Variants in EYS observed in about 807,000 individuals in gnomAD.
EYS encodes EGF-like photoreceptor maintenance factor.
Under a neutral mutation model 282.1 loss-of-function variants are expected in EYS, and 250 were observed. The observed-to-expected ratio is 0.89, with a 90% CI of 0.80 to 0.98. EYS has a LOEUF of 0.98. EYS is among the 50% of genes least tolerant of loss of function. The pLI is 0.00. For synonymous variants in EYS, 1,355 were observed against 1,282.9 expected, an observed-to-expected ratio of 1.06 and a Z score of -1.20; for missense variants, 4,016 against 3,709.0, an observed-to-expected ratio of 1.08 and a Z score of -2.15.
At chr6:65,397,387 T>C (rs761844728) in intron 7 of EYS, among the ~76,000 whole-genome samples, 7 of 151,986 alleles carry the variant, frequency 4.6e-5, no homozygotes, top group Non-Finnish European at 4.4e-5. Context: ...TCCCACCTTT[T>C]AGAGTCTCCA....
chr6:63,831,622 A>T (rs903315953), intron 36 of EYS, among the ~76,000 whole-genome samples: 5 of 152,198 alleles, frequency 3.3e-5, no homozygotes, highest in African/African-American at 1.2e-4. Context: ...ATAATGGGAG[A>T]TTTTAACACC....
At chr6:63,857,665 CA>C in intron 36 of EYS, 1 of 448,918 alleles carries the variant, frequency 2.2e-6, no homozygotes, top group Non-Finnish European at 4.6e-6. Context: ...GGATGCTACT[CA>C]AGCACTACTT....
At chr6:63,887,731 C>T (rs947230639) in intron 35 of EYS, among the ~76,000 whole-genome samples, 2 of 151,662 alleles carry the variant, frequency 1.3e-5, no homozygotes, top group African/African-American at 2.4e-5. Context: ...ACTGGGCAGC[C>T]GTTTGGGCAG....
intron 31 of EYS, among the ~76,000 whole-genome samples, chr6:64,220,148 T>A (rs943674489): frequency 7.2e-5 from 11 of 152,094 alleles, no homozygotes; most frequent in African/African-American, 2.4e-4. Flanking sequence ...AACCTGCACA[T>A]TGTGCACATG....
At chr6:65,667,754 C>T (rs1166415303) in intron 1 of EYS, among the ~76,000 whole-genome samples, 1 of 151,742 alleles carries the variant, frequency 6.6e-6, no homozygotes, top group Non-Finnish European at 1.5e-5. Flanking sequence ...ACATTTTTCC[C>T]ACCCAGAACA....
intron 26 of EYS, among the ~76,000 whole-genome samples, chr6:64,559,413 C>G (rs1162124871): frequency 6.6e-6 from 1 of 151,792 alleles, no homozygotes. Context: ...TCCACTTTAA[C>G]ATGTCATAAC....
intron 22 of EYS, among the ~76,000 whole-genome samples, chr6:64,694,184 C>T (rs1308388347): frequency 1.3e-5 from 2 of 152,044 alleles, no homozygotes; most frequent in Admixed American, 6.5e-5. Flanking sequence ...GGAATAGAGG[C>T]TTTGCCAGCA....
intron 15 of EYS, among the ~76,000 whole-genome samples, chr6:64,942,107 C>T (rs1769108829): frequency 1.3e-5 from 2 of 152,084 alleles, no homozygotes; most frequent in African/African-American, 2.4e-5. Flanking sequence ...TCTCCAATGC[C>T]TTATCAGCAT....
intron 11 of EYS, among the ~76,000 whole-genome samples, chr6:65,314,511 AAG>A (rs1328079411): frequency 1.4e-5 from 2 of 138,786 alleles, no homozygotes; most frequent in African/African-American, 5.5e-5. Context: ...TCAATCCTTA[AAG>A]GTTCAAAAGC....
intron 12 of EYS, among the ~76,000 whole-genome samples, chr6:65,106,439 A>G (rs1775041133): frequency 6.6e-6 from 1 of 151,990 alleles, no homozygotes; most frequent in South Asian, 2.1e-4. Context: ...ACATAATTAT[A>G]TTTGCCTCTC....
At chr6:64,801,246 G>A (rs1774541980) in intron 22 of EYS, among the ~76,000 whole-genome samples, 1 of 152,028 alleles carries the variant, frequency 6.6e-6, no homozygotes, top group Non-Finnish European at 1.5e-5. Context: ...TATAGGACAA[G>A]CATTAAGCAC....
intron 26 of EYS, among the ~76,000 whole-genome samples, chr6:64,583,395 C>T (rs1391673377): frequency 6.6e-6 from 1 of 151,542 alleles, no homozygotes; most frequent in Non-Finnish European, 1.5e-5. Context: ...CATATTTGAA[C>T]ACTTCAGGGC....
chr6:63,778,038 A>C lies in EYS; in HGVS notation c.7866T>G (p.Gly2622=). ...SPCSLMKCGN[G]GTCIESGTSV... Reference sequence around the variant, plus strand: ...TAGTTCCACTCTCTATGCATGTCCCACCATTGCCACATTTCATTAAACTGC... The same window carrying C: ...TAGTTCCACTCTCTATGCATGTCCCCCCATTGCCACATTTCATTAAACTGC... The change falls in exon 40 of 43, where the codon GGT becomes GGG. Residue 2622 remains glycine (G), a synonymous_variant. Coordinates refer to ENST00000503581, the MANE Select transcript of EYS (RefSeq NM_001142800.2). 6.4e-7 allele frequency: 1 copy of C among 1,551,662 alleles called. No individual in the cohort carries two copies. The highest frequency in any genetic ancestry group is 8.7e-7 in the Non-Finnish European group (1 of 1,146,922).
intron 31 of EYS, among the ~76,000 whole-genome samples, chr6:64,226,902 T>C (rs560963379): frequency 6.6e-6 from 1 of 152,056 alleles, no homozygotes; most frequent in South Asian, 2.1e-4. Flanking sequence ...GCTATTTTAG[T>C]TAAGGCCTAT....
At chr6:64,291,229 T>C (rs982877885) in intron 30 of EYS, among the ~76,000 whole-genome samples, 1 of 151,938 alleles carries the variant, frequency 6.6e-6, no homozygotes, top group Admixed American at 6.6e-5. Flanking sequence ...TTTAAATATA[T>C]GCAATAGTTT....
At chr6:64,808,865 A>G (rs896424008) in intron 22 of EYS, among the ~76,000 whole-genome samples, 3 of 152,158 alleles carry the variant, frequency 2.0e-5, no homozygotes, top group Non-Finnish European at 4.4e-5. Context: ...AGCAATGAAC[A>G]AAGTATAAAT....
chr6:65,575,349 A>AATAAATAAATAC (rs1240943257), intron 2 of EYS, among the ~76,000 whole-genome samples: 13 of 150,940 alleles, frequency 8.6e-5, no homozygotes, highest in Admixed American at 2.6e-4. Context: ...TAAATAAATA[A>AATAAATAAATAC]ATAAATATTG....
At chr6:64,075,092 G>A (rs1771720240) in intron 32 of EYS, among the ~76,000 whole-genome samples, 1 of 151,930 alleles carries the variant, frequency 6.6e-6, no homozygotes, top group Non-Finnish European at 1.5e-5. Context: ...TGAGATCTCT[G>A]TTGGAACACA....
chr6:65,114,633 G>C (rs377560371), intron 12 of EYS, among the ~76,000 whole-genome samples: 9 of 151,860 alleles, frequency 5.9e-5, no homozygotes, highest in African/African-American at 2.2e-4. Context: ...AGATAATACT[G>C]TCTTTCTTGG....
Sources: allele counts gnomAD v4.1 joint callset (sites outside exome capture counted in the v4.1 genomes callset), GRCh38; gene constraint gnomAD v4.1.1; transcripts MANE v1.5; gene names NCBI Gene and HGNC (gene_info 2026-07-23, HGNC 2026-07-21).